Variants in NAALADL2 observed in about 807,000 individuals in gnomAD.
NAALADL2 encodes inactive N-acetylated-alpha-linked acidic dipeptidase-like protein 2.
In NAALADL2, 76 loss-of-function variants were observed where a neutral mutation model predicts 87.2. The ratio of observed to expected loss-of-function variants is 0.87; its 90% CI spans 0.72 to 1.05. The LOEUF (loss-of-function observed/expected upper bound fraction) is 1.05. Ranked by LOEUF, NAALADL2 falls within the 50% of genes least tolerant of loss-of-function variation. The pLI, the probability that NAALADL2 is intolerant of heterozygous loss-of-function variation, is 0.00. For synonymous variants in NAALADL2, 354 were observed against 331.0 expected (o/e 1.07, Z -0.75); for missense variants, 1,089 against 945.8 (o/e 1.15, Z -1.99).
intron 1 of NAALADL2, among the ~76,000 whole-genome samples, chr3:174,976,720 G>A (rs1159771051): frequency 6.6e-6 from 1 of 152,214 alleles, no homozygotes; most frequent in Non-Finnish European, 1.5e-5. Flanking sequence ...CAGGAGAATA[G>A]TCCATAGTAA....
intron 1 of NAALADL2, among the ~76,000 whole-genome samples, chr3:174,866,182 T>G (rs1488256892): frequency 6.6e-6 from 1 of 151,874 alleles, no homozygotes; most frequent in Non-Finnish European, 1.5e-5. Flanking sequence ...TGAAATCATT[T>G]CTATAGAGGA....
chr3:175,037,180 C>G (rs1186572918), intron 1 of NAALADL2, among the ~76,000 whole-genome samples: 1 of 152,160 alleles, frequency 6.6e-6, no homozygotes, highest in Admixed American at 6.6e-5. Flanking sequence ...ACTAGATGAT[C>G]TAAGGTGCCA....
chr3:174,738,598 A>G (rs1733450634), intron 3 of NAALADL2, among the ~76,000 whole-genome samples: 2 of 152,164 alleles, frequency 1.3e-5, no homozygotes, highest in Non-Finnish European at 2.9e-5. Flanking sequence ...TAAAATGGTC[A>G]AAGAAATAAG....
chr3:174,781,718 A>G (rs1578903253), intron 3 of NAALADL2, among the ~76,000 whole-genome samples: 1 of 151,958 alleles, frequency 6.6e-6, no homozygotes, highest in East Asian at 2.0e-4. Context: ...AGAGTTGATG[A>G]TACAAATGTT....
At chr3:175,300,375 T>A (rs940775255) in intron 4 of NAALADL2, among the ~76,000 whole-genome samples, 3 of 152,198 alleles carry the variant, frequency 2.0e-5, no homozygotes, top group African/African-American at 7.2e-5. Context: ...TACCAGCTCC[T>A]CTTTGTACCT....
chr3:174,870,007 CAAAA>C (rs71624295), intron 1 of NAALADL2, among the ~76,000 whole-genome samples: 59 of 62,850 alleles, frequency 9.4e-4, no homozygotes, highest in Middle Eastern at 0.013. Context: ...CCCCACCCGC[CAAAA>C]AAAAAAAAAA....
intron 1 of NAALADL2, among the ~76,000 whole-genome samples, chr3:174,470,729 C>T (rs1716846612): frequency 6.6e-6 from 1 of 152,042 alleles, no homozygotes; most frequent in Non-Finnish European, 1.5e-5. Flanking sequence ...ATAGGGTATC[C>T]TTTTCCTATT....
chr3:174,613,521 T>C (rs1420757074), intron 2 of NAALADL2, among the ~76,000 whole-genome samples: 3 of 152,190 alleles, frequency 2.0e-5, no homozygotes, highest in Non-Finnish European at 1.5e-5. Flanking sequence ...CACTCTTTCC[T>C]CTTCTTTCTA....
chr3:174,720,158 G>T (rs1231673286), intron 2 of NAALADL2, among the ~76,000 whole-genome samples: 1 of 151,904 alleles, frequency 6.6e-6, no homozygotes, highest in African/African-American at 2.4e-5. Context: ...AGACAATCCA[G>T]TTTTTATTTT....
intron 1 of NAALADL2, among the ~76,000 whole-genome samples, chr3:174,920,842 G>T (rs1310429416): frequency 6.6e-6 from 1 of 152,090 alleles, no homozygotes; most frequent in Non-Finnish European, 1.5e-5. Flanking sequence ...ACATGTAGAA[G>T]CCATGTAATT....
At chr3:175,451,018 T>C (rs1721485089) in intron 6 of NAALADL2, among the ~76,000 whole-genome samples, 1 of 151,764 alleles carries the variant, frequency 6.6e-6, no homozygotes, top group Admixed American at 6.6e-5. Flanking sequence ...TAGAAATAGA[T>C]ATAGAGAGAA....
intron 4 of NAALADL2, among the ~76,000 whole-genome samples, chr3:175,257,884 TA>T (rs1020209150): frequency 3.2e-4 from 49 of 152,246 alleles, no homozygotes; most frequent in African/African-American, 1.1e-3. Flanking sequence ...TCTAAGCCTT[TA>T]AAAAATGTAT....
chr3:175,562,220 T>G (rs4585206), intron 9 of NAALADL2, among the ~76,000 whole-genome samples: 19,702 of 152,196 alleles, frequency 0.13, 1,376 homozygotes, highest in Middle Eastern at 0.17. Context: ...AATGTTGGTC[T>G]TATCACTACC....
intron 2 of NAALADL2, among the ~76,000 whole-genome samples, chr3:175,176,008 A>T (rs1478463930): frequency 6.6e-6 from 1 of 152,132 alleles, no homozygotes; most frequent in African/African-American, 2.4e-5. Context: ...AATTGTTTTG[A>T]AAAGACTAAC....
intron 3 of NAALADL2, among the ~76,000 whole-genome samples, chr3:174,836,004 C>T (rs558549415): frequency 9.9e-5 from 15 of 152,238 alleles, no homozygotes; most frequent in South Asian, 4.1e-4. Context: ...TGGTTATATA[C>T]GTAAAGTAAG....
chr3:175,323,654 C>T (rs1176399030), intron 4 of NAALADL2, among the ~76,000 whole-genome samples: 1 of 140,114 alleles, frequency 7.1e-6, no homozygotes, highest in African/African-American at 2.8e-5. Flanking sequence ...TAGAGAAAAA[C>T]CGGAGGAAAA....
At chr3:174,918,128 CT>C (rs1328794394) in intron 1 of NAALADL2, among the ~76,000 whole-genome samples, 1 of 151,720 alleles carries the variant, frequency 6.6e-6, no homozygotes, top group Non-Finnish European at 1.5e-5. Context: ...GATGAGGATG[CT>C]TTTGGGCTGA....
intron 11 of NAALADL2, among the ~76,000 whole-genome samples, chr3:175,721,204 T>A (rs1016136328): frequency 2.0e-5 from 3 of 151,996 alleles, no homozygotes; most frequent in Non-Finnish European, 4.4e-5. Context: ...AGATTTAATG[T>A]GCCCAACCTA....
intron 9 of NAALADL2, among the ~76,000 whole-genome samples, chr3:175,559,304 A>G (rs1715872238): frequency 6.9e-6 from 1 of 143,912 alleles, no homozygotes; most frequent in African/African-American, 2.5e-5. Flanking sequence ...GAATTTGTTT[A>G]CTAGTTTTTA....
Sources: allele counts gnomAD v4.1 joint callset (sites outside exome capture counted in the v4.1 genomes callset), GRCh38; gene constraint gnomAD v4.1.1; transcripts MANE v1.5; gene names NCBI Gene and HGNC (gene_info 2026-07-23, HGNC 2026-07-21).